THOC7: variants seen among roughly 807,000 people sequenced by gnomAD.
THOC7 encodes the protein NIF3L1-binding protein 1.
Under a neutral mutation model 33.1 loss-of-function variants are expected in THOC7, and 22 were observed. The ratio of observed to expected loss-of-function variants is 0.66; its 90% CI spans 0.47 to 0.95. THOC7 has a LOEUF of 0.95. Ranked by LOEUF, THOC7 falls within the 40% of genes least tolerant of loss-of-function variation. The probability of loss-of-function intolerance (pLI) is 0.00; values close to 1 mark genes in which losing one functional copy is unlikely to be tolerated. For missense variants in THOC7, 184 were observed against 245.3 expected (o/e 0.75, Z 1.67); for synonymous variants, 77 against 76.8 (o/e 1.00, Z -0.01).
chr3:63,844,716 T>C (rs1701849215), intron 1 of THOC7, among the ~76,000 whole-genome samples: 1 of 152,174 alleles, frequency 6.6e-6, no homozygotes, highest in African/African-American at 2.4e-5. Context: ...CACTCTCCTT[T>C]GCCATGTGAT....
intron 1 of THOC7, chr3:63,844,984 T>C (rs1701855464): frequency 1.5e-6 from 1 of 677,578 alleles, no homozygotes; most frequent in Non-Finnish European, 2.7e-6. Flanking sequence ...TAAAGACAAT[T>C]GAGATCTTTA....
intron 1 of THOC7, among the ~76,000 whole-genome samples, chr3:63,856,207 C>T (rs1443662472): frequency 1.3e-5 from 2 of 151,598 alleles, no homozygotes; most frequent in Non-Finnish European, 1.5e-5. Flanking sequence ...CAACTGAACT[C>T]ATGGAGGTAG....
At position 63,857,525 on chromosome 3, in the gene THOC7, C is replaced by T. The variant is rs1356937813; in HGVS notation, c.19+6247G>A. The stretch of plus-strand genomic sequence containing the variant: ...CACAGCTCATGTTATTAAGATGAAT[C>T]ACACATATTAGCCCATTGTGTTACA... On this transcript the variant is annotated intron_variant, in intron 1 of 7. Coordinates refer to ENST00000295899, the MANE Select transcript of THOC7 (RefSeq NM_025075.4). Among the ~76,000 whole-genome samples the T allele has an allele frequency of 2.0e-5, 3 of 152,158 alleles. No individual in the cohort carries two copies. The East Asian group carries it at 5.8e-4, about 29-fold the overall frequency.
intron 1 of THOC7, among the ~76,000 whole-genome samples, chr3:63,852,251 G>C (rs1041167292): frequency 1.3e-5 from 2 of 152,136 alleles, no homozygotes; most frequent in African/African-American, 4.8e-5. Flanking sequence ...ACAGAGACCC[G>C]TCAAAGGGGC....
intron 2 of THOC7, 64 bp downstream of exon 2, chr3:63,839,592 C>T (rs1701713251): frequency 7.2e-7 from 1 of 1,393,238 alleles, no homozygotes; most frequent in African/African-American, 1.4e-5. Context: ...CTCACAGGAC[C>T]TTAATATAGG....
chr3:63,849,691 G>GA (rs1357297533), intron 1 of THOC7, among the ~76,000 whole-genome samples: 3 of 152,170 alleles, frequency 2.0e-5, no homozygotes, highest in Admixed American at 6.5e-5. Flanking sequence ...TGAATGTAGA[G>GA]AAAAAAATTA....
At chr3:63,837,378 G>C (rs1328259171) in intron 4 of THOC7, among the ~76,000 whole-genome samples, 1 of 151,742 alleles carries the variant, frequency 6.6e-6, no homozygotes, top group Non-Finnish European at 1.5e-5. Context: ...ATTATAAGAA[G>C]AGCAGTGCCT....
At chr3:63,842,058 G>A (rs1337852000) in intron 1 of THOC7, among the ~76,000 whole-genome samples, 1 of 152,098 alleles carries the variant, frequency 6.6e-6, no homozygotes, top group African/African-American at 2.4e-5. Flanking sequence ...TGATTGAGAG[G>A]AAAAAATATT....
Position 63,837,352 on chromosome 3 carries a change from C to G in THOC7, c.352+624G>C, listed in dbSNP as rs544893978. Among the ~76,000 whole-genome samples, 63 of 151,876 alleles carry G rather than the reference C, an allele frequency of 4.1e-4. 1 individual carries two copies. The South Asian group carries it at 7.7e-3, about 19-fold the overall frequency. On this transcript the variant is annotated intron_variant, in intron 4 of 7. Transcript: ENST00000295899. ...TTACACATTATATTTTTTATTTTTA[C>G]TTTTCTTCAATTTACATTATAAGAA...
At chr3:63,847,570 C>T (rs1420017737) in intron 1 of THOC7, among the ~76,000 whole-genome samples, 1 of 152,098 alleles carries the variant, frequency 6.6e-6, no homozygotes, top group Middle Eastern at 3.2e-3. Flanking sequence ...AACCCTGTTT[C>T]TACCAAAAAT....
intron 1 of THOC7, among the ~76,000 whole-genome samples, chr3:63,851,639 G>A (rs1188734326): frequency 6.6e-6 from 1 of 152,154 alleles, no homozygotes; most frequent in African/African-American, 2.4e-5. Context: ...AAAAAAGGTA[G>A]GCTGAAATAA....
intron 1 of THOC7, chr3:63,863,450 C>T: frequency 8.8e-7 from 1 of 1,134,874 alleles, no homozygotes; most frequent in Non-Finnish European, 1.1e-6. Flanking sequence ...CCGCTTCTAG[C>T]CGTCTCGGCC....
chr3:63,837,867 T>A lies in THOC7; in HGVS notation c.352+109A>T, dbSNP rs912292294. The A allele has an allele frequency of 1.2e-5, 11 of 899,740 alleles. No individual in the cohort carries two copies. In the African/African-American group the frequency reaches 1.4e-4, roughly 11 times the overall value. The allele number at this position is 899,740 out of a possible 1,614,324, so 55.7% of individuals were successfully genotyped here. On this transcript the variant is annotated intron_variant, in intron 4 of 7. Coordinates refer to ENST00000295899, the MANE Select transcript of THOC7 (RefSeq NM_025075.4). ...AAGGAATTAAAATTTGGATTTTTTT[T>A]AATCCAGGTTGATTCAGGCTGCAGA... is the stretch of plus-strand genomic sequence containing the variant.
chr3:63,836,500 G>C, intron 4 of THOC7, 142 bp from the exon 5 acceptor site: 1 of 745,248 alleles, frequency 1.3e-6, no homozygotes, highest in Non-Finnish European at 2.2e-6. Context: ...AGTATTGCCA[G>C]TTTTAGTTAA....
At chr3:63,858,526 C>T (rs918619269) in intron 1 of THOC7, among the ~76,000 whole-genome samples, 5 of 152,018 alleles carry the variant, frequency 3.3e-5, no homozygotes, top group African/African-American at 1.2e-4. Flanking sequence ...CACATTCCAC[C>T]CCAACCCCTT....
At chr3:63,834,489 G>A (rs146664792) in intron 7 of THOC7, among the ~76,000 whole-genome samples, 120 of 151,768 alleles carry the variant, frequency 7.9e-4, no homozygotes, top group Middle Eastern at 3.4e-3. Context: ...GTAAAACCCC[G>A]TCTCTACTAA....
Position 63,863,621 on chromosome 3 carries a change from G to A in THOC7, c.19+151C>T, listed in dbSNP as rs1702296074. 6 of 1,199,292 alleles carry A rather than the reference G, an allele frequency of 5.0e-6. No individual in the cohort carries two copies. In the South Asian group the frequency reaches 2.0e-4, roughly 40 times the overall value. 74.3% of individuals were successfully genotyped at this position (1,199,292 alleles called of 1,614,324 possible). A position where few individuals can be genotyped will look rare whatever the true frequency, so the allele number is the denominator to read the frequency against. On this transcript the variant is annotated intron_variant, in intron 1 of 7. Coordinates refer to ENST00000295899, the MANE Select transcript of THOC7 (RefSeq NM_025075.4). ...AGGGAAGCAGCCGGGGAGGCCCGGGGCTCCGGGGAGAGGTCGGGAAGGCCG... is the reference window on the plus strand; with the variant it reads ...AGGGAAGCAGCCGGGGAGGCCCGGGACTCCGGGGAGAGGTCGGGAAGGCCG...
rs573402972 is a variant in THOC7 at position 63,853,888 on chromosome 3, A to G, written c.19+9884T>C. Among the ~76,000 whole-genome samples the G allele has an allele frequency of 3.3e-5, 5 of 151,800 alleles. No individual in the cohort carries two copies. In the South Asian group the frequency reaches 1.0e-3, roughly 32 times the overall value. On this transcript the variant is annotated intron_variant, in intron 1 of 7. Transcript: ENST00000295899. ...GCGCCACTGCACTCCAGGCTGGGTG[A>G]CAAAGCGAGACTCCGTCTCAAAAAA...
intron 1 of THOC7, among the ~76,000 whole-genome samples, chr3:63,854,280 A>G (rs1702071609): frequency 6.6e-6 from 1 of 152,268 alleles, no homozygotes; most frequent in South Asian, 2.1e-4. Flanking sequence ...TGCTGCTGAT[A>G]GTTCCTAACA....
Sources: gnomAD v4.1 joint callset for allele counts (sites outside exome capture counted in the v4.1 genomes callset) on GRCh38, gnomAD v4.1.1 for gene constraint, MANE v1.5 for transcripts, NCBI Gene and HGNC (gene_info 2026-07-23, HGNC 2026-07-21) for gene names.